The following SLC6A16 variants were observed in gnomAD, a reference collection of about 807,000 sequenced individuals.
SLC6A16 encodes orphan sodium- and chloride-dependent neurotransmitter transporter NTT5.
A neutral mutation model predicts 65.4 loss-of-function variants in SLC6A16; 54 were observed. That is an observed-to-expected ratio of 0.83 (90% CI 0.66 to 1.04). The LOEUF (loss-of-function observed/expected upper bound fraction) is 1.04, where lower values mean the gene tolerates loss of function less well. SLC6A16 is among the 50% of genes least tolerant of loss of function. The pLI, the probability that SLC6A16 is intolerant of heterozygous loss-of-function variation, is 0.00. For synonymous variants in SLC6A16, 330 were observed against 346.5 expected, an observed-to-expected ratio of 0.95 and a Z score of 0.53; for missense variants, 816 against 914.0, an observed-to-expected ratio of 0.89 and a Z score of 1.38.
At chr19:49,338,966 C>G in the SLC6A16 span, 12 of 1,548,636 alleles carry the variant, frequency 7.7e-6, no homozygotes, top group Non-Finnish European at 1.1e-5. The surrounding 1 kb of genome is among the most constrained non-coding windows in gnomAD (Gnocchi z 5.0). Context: ...ATAAACCTGT[C>G]GAATGGGGCG....
At position 49,311,184 on chromosome 19, in the gene SLC6A16, C is replaced by A. The variant is rs762642541; in HGVS notation, c.164G>T (p.Arg55Leu). 1 of 1,614,098 alleles carries A rather than the reference C, an allele frequency of 6.2e-7. No homozygotes were observed. Among genetic ancestry groups the A allele is most frequent in the South Asian group, 1.1e-5 (1 of 91,058 alleles). The stretch of plus-strand genomic sequence containing the variant: ...GGTCCTGGCCTGAGCCTCTGCAACC[C>A]GGGCTGCTGAAACTTGGGCCTCTGA... The part of the protein sequence containing the change: ...WTSEAQVSAA[R>L]VAEAQARTSQ... Residue 55 changes from arginine to leucine, a missense_variant, in exon 2 of 12, where the codon CGG (arginine) becomes CTG (leucine). Physicochemically the swap from Arg to Leu is moderately radical, Grantham distance 102. Coordinates refer to ENST00000335875, the MANE Select transcript of SLC6A16 (RefSeq NM_014037.3).
intron 10 of SLC6A16, 30 bp from the exon 11 acceptor site, chr19:49,290,797 C>G: frequency 6.4e-7 from 1 of 1,572,332 alleles, no homozygotes; most frequent in African/African-American, 1.3e-5. Context: ...GTGTGGGATG[C>G]CCAGTTAGGC....
At chr19:49,328,417 A>T (rs2146193167), upstream of SLC6A16, among the ~76,000 whole-genome samples, 1 of 152,286 alleles carries the variant, frequency 6.6e-6, no homozygotes, top group South Asian at 2.1e-4. Flanking sequence ...GATTATGAAG[A>T]TTATAATTCA....
At position 49,310,416 on chromosome 19, in the gene SLC6A16, A is replaced by G; in HGVS notation, c.510T>C (p.Gly170=). The change falls in exon 3 of 12, where the codon GGT becomes GGC. Residue 170 remains glycine, a synonymous_variant. Transcript: ENST00000335875. ...CAATGATCTTCCATACACCCATGCC[A>G]CCCTGACGCATGCTCTGACCAGCTG... The part of the protein sequence containing the change: ...EMAAGQSMRQ[G]GMGVWKIIAP... 1 of 1,614,070 alleles carries G rather than the reference A, an allele frequency of 6.2e-7. No homozygotes were observed.
Position 49,289,900 on chromosome 19 carries a change from T to C in SLC6A16, c.*223A>G. On this transcript the variant is annotated 3_prime_UTR_variant, in exon 12 of 12. Coordinates refer to ENST00000335875, the MANE Select transcript of SLC6A16 (RefSeq NM_014037.3). The stretch of plus-strand genomic sequence containing the variant: ...ATATGTGTTGTGCATGTATGTGTGT[T>C]GAGGAAGAGGATGGGGAAAACAATG... 2 of 579,060 alleles carry C rather than the reference T, an allele frequency of 3.5e-6. No homozygotes were observed. The highest frequency in any genetic ancestry group is 6.2e-6 in the Non-Finnish European group (2 of 325,136). The allele number at this position is 579,060 out of a possible 1,614,324, so 35.9% of individuals were successfully genotyped here.
chr19:49,336,954 T>C, the SLC6A16 span: 2 of 1,614,188 alleles, frequency 1.2e-6, no homozygotes, highest in Non-Finnish European at 8.5e-7. Flanking sequence ...GTCCTGGCCA[T>C]CTCAGGAATC....
upstream of SLC6A16, among the ~76,000 whole-genome samples, chr19:49,327,569 ATATT>A (rs1970811603): frequency 6.6e-6 from 1 of 152,214 alleles, no homozygotes; most frequent in African/African-American, 2.4e-5. Flanking sequence ...CGGTCAATAA[ATATT>A]TATTGAATGA....
At chr19:49,329,295 G>A (rs1408851794), upstream of SLC6A16, among the ~76,000 whole-genome samples, 1 of 151,942 alleles carries the variant, frequency 6.6e-6, no homozygotes, top group Non-Finnish European at 1.5e-5. Context: ...CACTATGTTG[G>A]TCAGGCTGGT....
At chr19:49,299,440 G>A (rs1306758275) in intron 7 of SLC6A16, among the ~76,000 whole-genome samples, 5 of 151,132 alleles carry the variant, frequency 3.3e-5, no homozygotes, top group Non-Finnish European at 7.4e-5. Context: ...TGTAGTCCCA[G>A]CTACTCAGGA....
the SLC6A16 span, chr19:49,338,792 C>T: frequency 6.2e-7 from 1 of 1,614,040 alleles, no homozygotes; most frequent in Non-Finnish European, 8.5e-7. This position sits in a 1 kb window ranked among gnomAD's most constrained non-coding sequence, Gnocchi z 5.0. Flanking sequence ...TGCCCTGCTC[C>T]TGCTACAACT....
At chr19:49,299,866 T>TA (rs1333186936) in intron 7 of SLC6A16, among the ~76,000 whole-genome samples, 1 of 141,462 alleles carries the variant, frequency 7.1e-6, no homozygotes, top group Non-Finnish European at 1.5e-5. Flanking sequence ...CTACTAAAAA[T>TA]ATAAAAACTA....
At chr19:49,306,120 A>T (rs1194279502) in intron 7 of SLC6A16, 3 of 152,042 alleles carry the variant, frequency 2.0e-5, no homozygotes, top group Non-Finnish European at 4.4e-5. Flanking sequence ...AACACGGTGA[A>T]ACCCTGTCTC....
chr19:49,301,579 C>G (rs1444010693), intron 7 of SLC6A16, among the ~76,000 whole-genome samples: 1 of 152,212 alleles, frequency 6.6e-6, no homozygotes, highest in Non-Finnish European at 1.5e-5. Flanking sequence ...ATGGCTGATG[C>G]CAGCACCATT....
chr19:49,308,658 A>G, intron 7 of SLC6A16: 1 of 594,894 alleles, frequency 1.7e-6, no homozygotes, highest in Non-Finnish European at 3.0e-6. Context: ...TCTGAGTTTG[A>G]AGATTTATTT....
chr19:49,329,309 G>A (rs1301445725), upstream of SLC6A16, among the ~76,000 whole-genome samples: 2 of 151,942 alleles, frequency 1.3e-5, no homozygotes, highest in African/African-American at 4.8e-5. Flanking sequence ...GGCTGGTCTC[G>A]AACTCCTGAC....
chr19:49,329,749 C>T (rs1970830610), upstream of SLC6A16, among the ~76,000 whole-genome samples: 1 of 150,848 alleles, frequency 6.6e-6, no homozygotes, highest in South Asian at 2.1e-4. Context: ...TCTCCTGCCT[C>T]AGCCTCCCGA....
At chr19:49,307,334 G>A (rs1027493494) in intron 7 of SLC6A16, among the ~76,000 whole-genome samples, 1 of 151,704 alleles carries the variant, frequency 6.6e-6, no homozygotes, top group Non-Finnish European at 1.5e-5. Context: ...TAGAACAAAT[G>A]GAAGTCTCAC....
intron 7 of SLC6A16, 99 bp downstream of exon 7, chr19:49,308,777 A>C (rs1970444963): frequency 6.8e-7 from 1 of 1,481,068 alleles, no homozygotes; most frequent in African/African-American, 1.4e-5. Flanking sequence ...CCAAGGTTGA[A>C]ATGTGTGAAC....
rs192317752 is a variant in SLC6A16 at position 49,324,879 on chromosome 19, C to T, written c.-65+169G>A. 1.8e-4 allele frequency among the ~76,000 whole-genome samples: 27 copies of T among 152,258 alleles called. 1 individual carries two copies. Among genetic ancestry groups the T allele is most frequent in the African/African-American group, 6.0e-4 (25 of 41,554 alleles). On this transcript the variant is annotated intron_variant, in intron 1 of 11. Coordinates refer to ENST00000335875, the MANE Select transcript of SLC6A16 (RefSeq NM_014037.3). The stretch of plus-strand genomic sequence containing the variant: ...TCCTACGTGGGGGGTAAAGGAGGGA[C>T]CCCTTTGATCCCTCAGCTCCACAGA...
Sources: allele counts gnomAD v4.1 joint callset (sites outside exome capture counted in the v4.1 genomes callset), GRCh38; gene constraint gnomAD v4.1.1; non-coding constraint Gnocchi (gnomAD v3.1); transcripts MANE v1.5; gene names NCBI Gene and HGNC (gene_info 2026-07-23, HGNC 2026-07-21).